Variants in DAB2IP observed in about 807,000 individuals in gnomAD.
The protein encoded by DAB2IP is disabled homolog 2-interacting protein.
In DAB2IP, 28 loss-of-function variants were observed where a neutral mutation model predicts 107.2. The ratio of observed to expected loss-of-function variants is 0.26; its 90% CI spans 0.19 to 0.36. The LOEUF (loss-of-function observed/expected upper bound fraction) is 0.36, where lower values mean the gene tolerates loss of function less well. Among genes scored for constraint, DAB2IP ranks in the 10% least tolerant of loss-of-function variants. DAB2IP has a pLI of 1.00. For synonymous variants in DAB2IP, 755 were observed against 706.4 expected (o/e 1.07, Z -1.09); for missense variants, 1,400 against 1,644.7 (o/e 0.85, Z 2.57).
chr9:121,770,011 C>T (rs541768174), intron 10 of DAB2IP, among the ~76,000 whole-genome samples: 12 of 152,270 alleles, frequency 7.9e-5, no homozygotes, highest in Non-Finnish European at 1.3e-4. Flanking sequence ...TCCTCTGCCC[C>T]TTAAGTTCTC....
Position 121,698,158 on chromosome 9 carries a change from T to C in DAB2IP, c.229-1167T>C, listed in dbSNP as rs1829520441. On this transcript the variant is annotated intron_variant, in intron 2 of 15. Coordinates refer to ENST00000408936, the Ensembl canonical transcript of DAB2IP. This position sits in a 1 kb window ranked among gnomAD's most constrained non-coding sequence, Gnocchi z 4.1. Reference sequence around the variant, plus strand: ...AATGTGGTATTTGGATTATGTACATTAACCTCAAATTAAATTAATATCCCA... The same window carrying C: ...AATGTGGTATTTGGATTATGTACATCAACCTCAAATTAAATTAATATCCCA... Among the ~76,000 whole-genome samples, 1 of 152,166 alleles carries C rather than the reference T, an allele frequency of 6.6e-6. No homozygotes were observed. Among genetic ancestry groups the C allele is most frequent in the African/African-American group, 2.4e-5 (1 of 41,440 alleles).
At chr9:121,605,638 C>G (rs1304353255) in intron 1 of DAB2IP, among the ~76,000 whole-genome samples, 2 of 152,058 alleles carry the variant, frequency 1.3e-5, no homozygotes, top group Non-Finnish European at 2.9e-5. Flanking sequence ...GTATCTGGGA[C>G]TACAGGCGCT....
chr9:121,630,854 C>T (rs768954776), intron 1 of DAB2IP, among the ~76,000 whole-genome samples: 30 of 152,270 alleles, frequency 2.0e-4, no homozygotes, highest in Non-Finnish European at 3.5e-4. Flanking sequence ...GCAATCCACT[C>T]GGCTTGGCCT....
At chr9:121,612,133 A>C (rs111799360) in intron 1 of DAB2IP, among the ~76,000 whole-genome samples, 83 of 151,800 alleles carry the variant, frequency 5.5e-4, no homozygotes, top group African/African-American at 1.9e-3. Context: ...AGCCTGGGAA[A>C]CATAGCAAAA....
At chr9:121,774,476 GTCT>G in intron 13 of DAB2IP, 64 bp downstream of exon 13, 1 of 1,500,760 alleles carries the variant, frequency 6.7e-7, no homozygotes, top group South Asian at 1.3e-5. Context: ...GCTGGTAGGA[GTCT>G]CTCCCCCAGG....
chr9:121,772,795 C>T lies in DAB2IP; in HGVS notation c.2267C>T (p.Thr756Met), dbSNP rs750065319. 26 of 1,612,556 alleles carry T rather than the reference C, an allele frequency of 1.6e-5. No homozygotes were observed. The highest frequency in any genetic ancestry group is 2.7e-5 in the African/African-American group (2 of 74,934). Residue 756 changes from threonine (T) to methionine (M), a missense_variant, in exon 12 of 16, where the codon ACG (threonine) becomes ATG (methionine). By Grantham distance (81) the Thr-to-Met change is moderately conservative (BLOSUM62 -1). Transcript: ENST00000408936. This position sits in a 1 kb window ranked among gnomAD's most constrained non-coding sequence, Gnocchi z 4.7. ...ATGGTGGACCTCCAGGACGCCCGCACGCTGGATGGGGAGGCAGGCTCCCCG... is the reference window on the plus strand; with the variant it reads ...ATGGTGGACCTCCAGGACGCCCGCATGCTGGATGGGGAGGCAGGCTCCCCG...
chr9:121,766,810 C>T (rs1834320862), intron 9 of DAB2IP, 80 bp downstream of exon 9: 2 of 1,406,992 alleles, frequency 1.4e-6, no homozygotes, highest in Admixed American at 3.4e-5. Context: ...TTTCTGCCCC[C>T]AAGCTGAGCA....
rs974605349 is a variant in DAB2IP, at chr9:121,635,754, G to A, written c.41-42924G>A. On this transcript the variant is annotated intron_variant, in intron 1 of 16. Coordinates refer to the DAB2IP transcript ENST00000259371. This position sits in a 1 kb window ranked among gnomAD's most constrained non-coding sequence, Gnocchi z 4.3. ...GTGAAGACAAGACAGTGGGGAGCGG[G>A]TTTTGGCCCAGCCCCACGCAGAGCC... Among the ~76,000 whole-genome samples, 1 of 152,112 alleles carries A rather than the reference G, an allele frequency of 6.6e-6. No homozygotes were observed. The highest frequency in any genetic ancestry group is 1.5e-5 in the Non-Finnish European group (1 of 68,022).
At chr9:121,624,646 C>T (rs655398) in intron 1 of DAB2IP, among the ~76,000 whole-genome samples, 146,504 of 152,320 alleles carry the variant, frequency 0.96, 70,759 homozygotes, top group East Asian at 1. Flanking sequence ...GCTGTACAGG[C>T]TTGTATCCTG....
chr9:121,775,508 CCT>C (rs1421195063), intron 13 of DAB2IP, among the ~76,000 whole-genome samples: 1 of 152,196 alleles, frequency 6.6e-6, no homozygotes, highest in Non-Finnish European at 1.5e-5. Context: ...GCGTCTGGCC[CCT>C]CTCGATCCCG....
chr9:121,614,292 A>G (rs796264888), intron 1 of DAB2IP, among the ~76,000 whole-genome samples: 8 of 147,532 alleles, frequency 5.4e-5, no homozygotes, highest in Admixed American at 2.0e-4. Context: ...GATAACCAGG[A>G]CCTAATGTGT....
intron 1 of DAB2IP, among the ~76,000 whole-genome samples, chr9:121,655,911 G>A (rs1421459798): frequency 6.6e-6 from 1 of 152,080 alleles, no homozygotes; most frequent in African/African-American, 2.4e-5. Context: ...CCGCGTGGTG[G>A]GAGAGGATGG....
intron 1 of DAB2IP, among the ~76,000 whole-genome samples, chr9:121,636,530 C>T (rs1014962305): frequency 1.1e-4 from 17 of 152,102 alleles, no homozygotes; most frequent in African/African-American, 3.4e-4. Flanking sequence ...GCCCAGTTCT[C>T]GCTGCTCTCC....
Position 121,699,175 on chromosome 9 carries a change from C to T in DAB2IP, c.229-150C>T, listed in dbSNP as rs1233825252. Reference sequence around the variant, plus strand: ...GCGCTCGGTCGGCGGGCGGGCGGCGCGGGCCGCGAGCTGCTGGGGCCGAGC... The same window carrying T: ...GCGCTCGGTCGGCGGGCGGGCGGCGTGGGCCGCGAGCTGCTGGGGCCGAGC... On this transcript the variant is annotated intron_variant, in intron 2 of 15. Transcript: ENST00000408936. This position sits in a 1 kb window ranked among gnomAD's most constrained non-coding sequence, Gnocchi z 6.2. 9.9e-6 allele frequency: 9 copies of T among 905,444 alleles called. No individual in the cohort carries two copies. The highest frequency in any genetic ancestry group is 1.8e-5 in the African/African-American group (1 of 54,922). 56.1% of individuals were successfully genotyped at this position (905,444 alleles called of 1,614,324 possible).
chr9:121,649,097 C>T (rs1415141630), upstream of DAB2IP, among the ~76,000 whole-genome samples: 1 of 152,194 alleles, frequency 6.6e-6, no homozygotes, highest in African/African-American at 2.4e-5. Context: ...TGCCCTGCCC[C>T]CTTCCCACTC....
chr9:121,680,579 C>G (rs1250404042), intron 2 of DAB2IP, among the ~76,000 whole-genome samples: 2 of 152,134 alleles, frequency 1.3e-5, no homozygotes, highest in African/African-American at 2.4e-5. Context: ...GTTCTGATCT[C>G]TCTGGATCCC....
In DAB2IP at chr9:121,782,436, A is replaced by C. The variant is rs1340368374; in HGVS notation, c.3508A>C (p.Thr1170Pro). The stretch of plus-strand genomic sequence containing the variant: ...GCAAGCCCGTAACGGCATCTCCCCC[A>C]CCAACCCCACCAAATTGCAGATTAC... The change falls in exon 16 of 16, where the codon ACC becomes CCC. Residue 1170 changes from threonine to proline, a missense_variant. Transcript: ENST00000408936. This position sits in a 1 kb window ranked among gnomAD's most constrained non-coding sequence, Gnocchi z 6.1. The C allele has an allele frequency of 6.2e-6, 10 of 1,613,986 alleles. No homozygotes were observed. The highest frequency in any genetic ancestry group is 8.5e-6 in the Non-Finnish European group (10 of 1,179,938).
Position 121,599,032 on chromosome 9 carries a change from CCTTCCCAAGCTCTA to C in DAB2IP, c.40+31805_40+31818del, listed in dbSNP as rs1470975836. Among the ~76,000 whole-genome samples, 3 of 152,178 alleles carry C rather than the reference CCTTCCCAAGCTCTA, an allele frequency of 2.0e-5. No individual in the cohort carries two copies. The East Asian group carries it at 5.8e-4, about 29-fold the overall frequency. ...TTCCCTGTGACACCCCGCACTGTCC[CCTTCCCAAGCTCTA>C]GTTCCCCCCATTAGTCCCCGGCTCC... On this transcript the variant is annotated intron_variant, in intron 1 of 16. Coordinates refer to the DAB2IP transcript ENST00000259371. The surrounding 1 kb of genome is among the most constrained non-coding windows in gnomAD (Gnocchi z 6.9).
intron 3 of DAB2IP, among the ~76,000 whole-genome samples, chr9:121,724,359 G>T (rs1191752852): frequency 6.6e-6 from 1 of 151,974 alleles, no homozygotes; most frequent in African/African-American, 2.4e-5. Flanking sequence ...TCTCTTCCTG[G>T]AACATTCTTT....
Sources: gnomAD v4.1 joint callset for allele counts (sites outside exome capture counted in the v4.1 genomes callset) on GRCh38, gnomAD v4.1.1 for gene constraint, Gnocchi (gnomAD v3.1) non-coding constraint, MANE v1.5 for transcripts, NCBI Gene and HGNC (gene_info 2026-07-23, HGNC 2026-07-21) for gene names.